Variants in BRINP1 observed in about 807,000 individuals in gnomAD.
The protein encoded by BRINP1 is BMP/retinoic acid inducible neural specific 1, also known as BMP/retinoic acid-inducible neural-specific protein 1.
BRINP1 carries 17 observed loss-of-function variants against 72.9 expected under a neutral mutation model. The ratio of observed to expected loss-of-function variants is 0.23; its 90% confidence interval spans 0.16 to 0.35. BRINP1 has a LOEUF of 0.35. Among genes scored for constraint, BRINP1 ranks in the 10% least tolerant of loss-of-function variants. BRINP1 has a pLI of 1.00. For synonymous variants in BRINP1, 418 were observed against 378.5 expected (o/e 1.10, Z -1.21); for missense variants, 850 against 1,001.6 (o/e 0.85, Z 2.04).
intron 2 of BRINP1, among the ~76,000 whole-genome samples, chr9:119,285,069 C>T (rs908690700): frequency 8.6e-5 from 13 of 152,016 alleles, no homozygotes; most frequent in African/African-American, 2.9e-4. Context: ...TAGCTTGTCC[C>T]GGGTTCATTT....
chr9:119,342,460 A>G (rs1831415185), intron 1 of BRINP1, among the ~76,000 whole-genome samples: 1 of 152,196 alleles, frequency 6.6e-6, no homozygotes, highest in Admixed American at 6.5e-5. Context: ...GCCTGCAAAA[A>G]GTGTCATATA....
intron 7 of BRINP1, among the ~76,000 whole-genome samples, chr9:119,181,539 A>G (rs755967291): frequency 3.8e-4 from 58 of 152,216 alleles, no homozygotes; most frequent in Non-Finnish European, 7.3e-4. Context: ...GGAATATGCA[A>G]AGCTCTAGAG....
At chr9:119,216,400 A>G (rs1043744576) in intron 5 of BRINP1, among the ~76,000 whole-genome samples, 8 of 152,174 alleles carry the variant, frequency 5.3e-5, no homozygotes, top group African/African-American at 1.9e-4. Flanking sequence ...ATGAGTCCGT[A>G]TGGGTTTGAG....
intron 2 of BRINP1, among the ~76,000 whole-genome samples, chr9:119,292,406 G>A (rs925821621): frequency 2.0e-5 from 3 of 152,128 alleles, no homozygotes; most frequent in Non-Finnish European, 4.4e-5. Context: ...CCATTCACTT[G>A]TCTGTCACTA....
chr9:119,187,786 T>C (rs1009422728), intron 7 of BRINP1, among the ~76,000 whole-genome samples: 3 of 152,134 alleles, frequency 2.0e-5, no homozygotes, highest in Non-Finnish European at 2.9e-5. Flanking sequence ...CTCATTGAGA[T>C]ACAAGGGAAT....
intron 1 of BRINP1, among the ~76,000 whole-genome samples, chr9:119,327,397 G>A (rs930435048): frequency 2.6e-5 from 4 of 152,152 alleles, no homozygotes; most frequent in African/African-American, 9.7e-5. Flanking sequence ...CCAGCATCTG[G>A]AACTAATTAT....
intron 1 of BRINP1, among the ~76,000 whole-genome samples, chr9:119,325,735 G>A (rs1831233063): frequency 6.6e-6 from 1 of 152,142 alleles, no homozygotes; most frequent in African/African-American, 2.4e-5. Context: ...ATGCAACCAT[G>A]ACACTCACCT....
intron 5 of BRINP1, among the ~76,000 whole-genome samples, chr9:119,233,934 G>C (rs1450359394): frequency 6.6e-6 from 1 of 152,054 alleles, no homozygotes; most frequent in African/African-American, 2.4e-5. Flanking sequence ...ACTCAATGCT[G>C]TGTTTGTAAG....
At position 119,208,790 on chromosome 9, in the gene BRINP1, G is replaced by A. The variant is rs1282623907; in HGVS notation, c.1074C>T (p.Arg358=). 1.2e-6 allele frequency: 2 copies of A among 1,614,046 alleles called. No individual in the cohort carries two copies. Among genetic ancestry groups the A allele is most frequent in the South Asian group, 1.1e-5 (1 of 91,088 alleles). ...ATEAQRQKIQ[R]TARKLFGLSV... is the part of the protein sequence containing the mutation. ...TGAGGCCGAAAAGCTTGCGGGCAGTGCGTTGGATCTTTTGTCTCTGTGCCT... is the reference window on the plus strand; with the variant it reads ...TGAGGCCGAAAAGCTTGCGGGCAGTACGTTGGATCTTTTGTCTCTGTGCCT... The change falls in exon 7 of 8, where the codon CGC becomes CGT. Residue 358 remains arginine, a synonymous_variant. Transcript: ENST00000265922.
intron 7 of BRINP1, among the ~76,000 whole-genome samples, chr9:119,179,542 G>C (rs536527613): frequency 4.6e-5 from 7 of 152,304 alleles, no homozygotes; most frequent in African/African-American, 1.7e-4. Flanking sequence ...CCTGAACACA[G>C]AGACTTGGTT....
Position 119,347,344 on chromosome 9 carries a change from G to A in BRINP1, c.-51+21712C>T, listed in dbSNP as rs566650896. Among the ~76,000 whole-genome samples the A allele has an allele frequency of 7.1e-4, 108 of 152,146 alleles. 1 individual carries two copies. The highest frequency in any genetic ancestry group is 2.5e-3 in the African/African-American group (103 of 41,524). ...AAGCTATGGGGCCCACTGTCTATGC[G>A]GGCAAGTCACAGAAACCCTTTTAAC... On this transcript the variant is annotated intron_variant, in intron 1 of 7. Transcript: ENST00000265922.
chr9:119,246,961 TAGG>T (rs1004285836), intron 3 of BRINP1, among the ~76,000 whole-genome samples: 4 of 152,128 alleles, frequency 2.6e-5, no homozygotes, highest in African/African-American at 9.7e-5. Flanking sequence ...GTTGTAAAAA[TAGG>T]AGAGGAACAA....
At chr9:119,278,065 C>A (rs1490190967) in intron 2 of BRINP1, among the ~76,000 whole-genome samples, 2 of 152,108 alleles carry the variant, frequency 1.3e-5, no homozygotes, top group South Asian at 4.1e-4. Flanking sequence ...TCAGTCTCTA[C>A]CCTATGTCTT....
At chr9:119,323,545 C>G (rs1780504550) in intron 1 of BRINP1, among the ~76,000 whole-genome samples, 1 of 152,102 alleles carries the variant, frequency 6.6e-6, no homozygotes, top group Non-Finnish European at 1.5e-5. Context: ...AGGCAAGCAG[C>G]TAAAGATACA....
chr9:119,221,834 G>A (rs190973414), intron 5 of BRINP1, among the ~76,000 whole-genome samples: 1 of 151,902 alleles, frequency 6.6e-6, no homozygotes, highest in African/African-American at 2.4e-5. Context: ...AGGTTGCTTT[G>A]GTAGCAGAGG....
intron 1 of BRINP1, among the ~76,000 whole-genome samples, chr9:119,327,836 C>T (rs1831254885): frequency 6.6e-6 from 1 of 151,964 alleles, no homozygotes; most frequent in Admixed American, 6.6e-5. Flanking sequence ...CAAGTTCCCT[C>T]TTGGATCTGT....
intron 7 of BRINP1, among the ~76,000 whole-genome samples, chr9:119,206,419 CAAAAAAAAAA>C (rs56106482): frequency 3.4e-5 from 3 of 87,180 alleles, no homozygotes; most frequent in Non-Finnish European, 4.5e-5. Flanking sequence ...GACTCCATCT[CAAAAAAAAAA>C]AAAAAAAAAA....
intron 2 of BRINP1, among the ~76,000 whole-genome samples, chr9:119,251,406 T>A (rs1473095998): frequency 6.6e-6 from 1 of 152,160 alleles, no homozygotes; most frequent in Admixed American, 6.5e-5. Flanking sequence ...GTTTGAACTA[T>A]AGTTTTTAAG....
In BRINP1 at chr9:119,215,959, C is replaced by T. The variant is rs139014964; in HGVS notation, c.686-1804G>A. On this transcript the variant is annotated intron_variant, in intron 5 of 7. Transcript: ENST00000265922. Reference sequence around the variant, plus strand: ...TATTCAGCCTGCCTGTTAGGTTCCACTTAGTATCTATGTACAAAGATTATT... The same window carrying T: ...TATTCAGCCTGCCTGTTAGGTTCCATTTAGTATCTATGTACAAAGATTATT... Among the ~76,000 whole-genome samples, 106 of 152,312 alleles carry T rather than the reference C, an allele frequency of 7.0e-4. 2 individuals are homozygous for T. The highest frequency in any genetic ancestry group is 1.3e-3 in the Non-Finnish European group (86 of 68,034).
Sources: gnomAD v4.1 joint callset for allele counts (sites outside exome capture counted in the v4.1 genomes callset) on GRCh38, gnomAD v4.1.1 for gene constraint, MANE v1.5 for transcripts, NCBI Gene and HGNC (gene_info 2026-07-23, HGNC 2026-07-21) for gene names.